The following TSPAN4 variants were observed in gnomAD, a reference collection of about 807,000 sequenced individuals.
The protein encoded by TSPAN4 is tetraspanin 4.
In TSPAN4, 38 loss-of-function variants were observed where a neutral mutation model predicts 31.5. That is an observed-to-expected ratio of 1.21 (90% CI 0.93 to 1.58). TSPAN4 has a LOEUF of 1.58. Among genes scored for constraint, TSPAN4 ranks in the 40% most tolerant of loss-of-function variants. The pLI is 0.00. For missense variants in TSPAN4, 330 were observed against 317.3 expected (o/e 1.04, Z -0.30); for synonymous variants, 186 against 144.6 (o/e 1.29, Z -2.06).
At position 850,356 on chromosome 11, in the gene TSPAN4, C is replaced by T. The variant is rs754168745; in HGVS notation, c.52C>T (p.Leu18=). 1 of 1,604,404 alleles carries T rather than the reference C, an allele frequency of 6.2e-7. No homozygotes were observed. The highest frequency in any genetic ancestry group is 8.5e-7 in the Non-Finnish European group (1 of 1,179,096). Residue 18 remains leucine, a synonymous_variant, in exon 3 of 9, where the codon CTG becomes TTG. Transcript: ENST00000397397. ...CAAGTACCTCATGTTCGCCTTCAACCTGCTCTTCTGGGTGAGTCCGGGGGC... is the reference window on the plus strand; with the variant it reads ...CAAGTACCTCATGTTCGCCTTCAACTTGCTCTTCTGGGTGAGTCCGGGGGC... ...AVKYLMFAFN[L]LFWLGGCGVL...
chr11:850,264 A>G, intron 2 of TSPAN4, 24 bp from the exon 3 acceptor site: 3 of 1,583,856 alleles, frequency 1.9e-6, no homozygotes, highest in South Asian at 2.3e-5. Context: ...TTCTACCTGG[A>G]CCTCTCCTTC....
intron 3 of TSPAN4, among the ~76,000 whole-genome samples, chr11:861,343 G>A (rs565355278): frequency 6.6e-6 from 1 of 152,174 alleles, no homozygotes; most frequent in African/African-American, 2.4e-5. Context: ...GGCCGGGCGC[G>A]GTGGCTCATG....
intron 3 of TSPAN4, among the ~76,000 whole-genome samples, chr11:859,345 C>T (rs1466821972): frequency 4.1e-5 from 1 of 24,458 alleles, no homozygotes; most frequent in African/African-American, 1.8e-4. Flanking sequence ...GGCTCACACG[C>T]ACCCCGGGCT....
chr11:859,825 C>T (rs940758745), intron 3 of TSPAN4: 1 of 152,268 alleles, frequency 6.6e-6, no homozygotes, highest in Admixed American at 6.5e-5. Flanking sequence ...AGAAGCCACA[C>T]CCAGGCTGGG....
At chr11:865,428 C>T in intron 5 of TSPAN4, 85 bp from the exon 6 acceptor site, 1 of 1,122,284 alleles carries the variant, frequency 8.9e-7, no homozygotes, top group Admixed American at 2.0e-5. Flanking sequence ...CAGGAGGGGC[C>T]CAGCTTAGGG....
intron 3 of TSPAN4, among the ~76,000 whole-genome samples, chr11:854,746 G>T (rs1014997802): frequency 7.2e-5 from 11 of 152,158 alleles, no homozygotes; most frequent in African/African-American, 2.7e-4. Flanking sequence ...TGCAGTGGGG[G>T]CCAGCCTTGG....
intron 3 of TSPAN4, among the ~76,000 whole-genome samples, chr11:852,268 C>T (rs1397748680): frequency 2.6e-5 from 4 of 152,116 alleles, no homozygotes; most frequent in Admixed American, 6.5e-5. Context: ...GGATTACAGG[C>T]GCGCATCACC....
At chr11:864,968 C>T (rs924117913) in intron 5 of TSPAN4, 19 of 190,026 alleles carry the variant, frequency 1.0e-4, no homozygotes, top group African/African-American at 1.6e-4. Flanking sequence ...TCACACTGTC[C>T]GTCCTTGGCC....
At position 848,799 on chromosome 11, in the gene TSPAN4, G is replaced by T; in HGVS notation, c.-17-1489G>T. ...CAGGGCCCTTGTGCCCTGTGGTGGGGCTGGGGCTTCAGAGGCGTGGGGTAG... is the reference window on the plus strand; with the variant it reads ...CAGGGCCCTTGTGCCCTGTGGTGGGTCTGGGGCTTCAGAGGCGTGGGGTAG... On this transcript the variant is annotated intron_variant, in intron 2 of 8. Coordinates refer to ENST00000397397, the MANE Select transcript of TSPAN4 (RefSeq NM_003271.5). This position sits in a 1 kb window ranked among gnomAD's most constrained non-coding sequence, Gnocchi z 5.7. 1 of 604,722 alleles carries T rather than the reference G, an allele frequency of 1.7e-6. No homozygotes were observed. The highest frequency in any genetic ancestry group is 3.0e-6 in the Non-Finnish European group (1 of 331,346). The allele number at this position is 604,722 out of a possible 1,614,324, so 37.5% of individuals were successfully genotyped here. A position where few individuals can be genotyped will look rare whatever the true frequency, so the allele number is the denominator to read the frequency against.
intron 3 of TSPAN4, among the ~76,000 whole-genome samples, chr11:852,864 G>A (rs1427381050): frequency 2.7e-5 from 4 of 150,648 alleles, no homozygotes; most frequent in Admixed American, 6.6e-5. Context: ...ACGTCCCCCC[G>A]GCGGGACCTC....
chr11:866,037 C>T (rs1848781827), intron 8 of TSPAN4, 36 bp downstream of exon 8: 1 of 1,603,580 alleles, frequency 6.2e-7, no homozygotes, highest in South Asian at 1.1e-5. Flanking sequence ...CCTGCCCCCA[C>T]TTTGTTAGGA....
rs530565082 is a variant in TSPAN4 at position 850,456 on chromosome 11, C to T, written c.63+89C>T. 4.3e-6 allele frequency: 5 copies of T among 1,168,960 alleles called. No individual in the cohort carries two copies. In the Admixed American group the frequency reaches 6.2e-5, roughly 15 times the overall value. 72.4% of individuals were successfully genotyped at this position (1,168,960 alleles called of 1,614,324 possible). A position where few individuals can be genotyped will look rare whatever the true frequency, so the allele number is the denominator to read the frequency against. ...GGGGTCTGGGGAGTCGGAGTCGCTGCCCCGGCCAGGCGTTGGGTGCGGTTG... is the reference window on the plus strand; with the variant it reads ...GGGGTCTGGGGAGTCGGAGTCGCTGTCCCGGCCAGGCGTTGGGTGCGGTTG... On this transcript the variant is annotated intron_variant, in intron 3 of 8. Coordinates refer to ENST00000397397, the MANE Select transcript of TSPAN4 (RefSeq NM_003271.5).
chr11:854,726 G>A (rs1847953424), intron 3 of TSPAN4, among the ~76,000 whole-genome samples: 2 of 2,644 alleles, frequency 7.6e-4, no homozygotes, highest in South Asian at 0.5. Flanking sequence ...AGTGAGCCTG[G>A]TGGAGGGGGT....
At chr11:855,114 C>A (rs914841660) in intron 3 of TSPAN4, among the ~76,000 whole-genome samples, 1 of 152,066 alleles carries the variant, frequency 6.6e-6, no homozygotes, top group Non-Finnish European at 1.5e-5. Flanking sequence ...ACTTGTCCAC[C>A]CAGTGACACA....
chr11:859,163 C>T (rs558026548), intron 3 of TSPAN4, among the ~76,000 whole-genome samples: 6 of 128,984 alleles, frequency 4.7e-5, no homozygotes, highest in South Asian at 5.7e-4. Flanking sequence ...CCGGCTCACA[C>T]GCACCCCAGG....
intron 7 of TSPAN4, 29 bp from the exon 8 acceptor site, chr11:865,889 C>T (rs779190824): frequency 1.4e-5 from 23 of 1,612,780 alleles, no homozygotes; most frequent in Admixed American, 5.0e-5. Context: ...CAGGCCCTGC[C>T]GTGACACGCA....
In TSPAN4 at chr11:865,912, C is replaced by T; in HGVS notation, c.565-6C>T. On this transcript the variant is annotated splice_region_variant and splice_polypyrimidine_tract_variant and intron_variant, in intron 7 of 8. Coordinates refer to ENST00000397397, the MANE Select transcript of TSPAN4 (RefSeq NM_003271.5). ...GCCGTGACACGCATGACATCCCTCC[C>T]TGCAGCCGTGCTACGAGACGGTGAA... 2 of 1,613,170 alleles carry T rather than the reference C, an allele frequency of 1.2e-6. No homozygotes were observed. Among genetic ancestry groups the T allele is most frequent in the South Asian group, 1.1e-5 (1 of 91,074 alleles).
intron 3 of TSPAN4, among the ~76,000 whole-genome samples, chr11:852,322 C>T (rs1847799150): frequency 6.6e-6 from 1 of 152,274 alleles, no homozygotes; most frequent in East Asian, 1.9e-4. Context: ...CAGGGTTTCA[C>T]CATGTTGGTC....
Position 866,918 on chromosome 11 carries a change from A to C in TSPAN4, c.*288A>C. On this transcript the variant is annotated 3_prime_UTR_variant, in exon 9 of 9. Transcript: ENST00000397397. ...TTTATATTTACGTATTCTCCAAAGC[A>C]GTGTTCACACGGGAGCCAGCCTGTG... 1 of 358,964 alleles carries C rather than the reference A, an allele frequency of 2.8e-6. No individual in the cohort carries two copies. The highest frequency in any genetic ancestry group is 4.7e-5 in the South Asian group (1 of 21,270). 22.2% of individuals were successfully genotyped at this position (358,964 alleles called of 1,614,324 possible).
Sources: gnomAD v4.1 joint callset for allele counts (sites outside exome capture counted in the v4.1 genomes callset) on GRCh38, gnomAD v4.1.1 for gene constraint, Gnocchi (gnomAD v3.1) non-coding constraint, MANE v1.5 for transcripts, NCBI Gene and HGNC (gene_info 2026-07-23, HGNC 2026-07-21) for gene names.